ZNF611: variants seen among roughly 807,000 people sequenced by gnomAD.
ZNF611 encodes the protein zinc finger protein 611.
ZNF611 carries 6 observed loss-of-function variants against 8.9 expected under a neutral mutation model. The observed-to-expected ratio is 0.68, with a 90% confidence interval of 0.37 to 1.34. The LOEUF (loss-of-function observed/expected upper bound fraction) is 1.34, where lower values mean the gene tolerates loss of function less well. ZNF611 is among the 40% of genes most tolerant of loss of function. The pLI, the probability that ZNF611 is intolerant of heterozygous loss-of-function variation, is 0.02. For synonymous variants in ZNF611, 262 were observed against 279.7 expected, an observed-to-expected ratio of 0.94 and a Z score of 0.63; for missense variants, 874 against 841.3, an observed-to-expected ratio of 1.04 and a Z score of -0.48.
At chr19:52,710,602 C>G (rs1164480617) in intron 5 of ZNF611, among the ~76,000 whole-genome samples, 2 of 152,098 alleles carry the variant, frequency 1.3e-5, no homozygotes, top group African/African-American at 2.4e-5. Context: ...TGACCTCAAG[C>G]CATCTACCCA....
At chr19:52,719,829 A>G (rs1272774858) in intron 3 of ZNF611, among the ~76,000 whole-genome samples, 1 of 152,188 alleles carries the variant, frequency 6.6e-6, no homozygotes, top group African/African-American at 2.4e-5. Context: ...GGGATGTGGC[A>G]GGGTCATACG....
chr19:52,706,918 A>G (rs898329038), intron 5 of ZNF611, 54 bp from the exon 6 acceptor site: 1 of 1,553,950 alleles, frequency 6.4e-7, no homozygotes, highest in Non-Finnish European at 8.7e-7. Flanking sequence ...GGTAAATCAC[A>G]CTGAAGTGCA....
intron 1 of ZNF611, among the ~76,000 whole-genome samples, 181 bp from the exon 2 acceptor site, chr19:52,730,186 G>A (rs926151501): frequency 2.6e-5 from 4 of 151,996 alleles, no homozygotes; most frequent in Non-Finnish European, 2.9e-5. Flanking sequence ...GAGGTCAGGA[G>A]ATCGAGACCA....
At chr19:52,716,137 C>G (rs373824680) in intron 3 of ZNF611, 6 of 514,706 alleles carry the variant, frequency 1.2e-5, no homozygotes, top group Non-Finnish European at 1.7e-5. Flanking sequence ...CCACCACACA[C>G]GAGGCAGCAG....
chr19:52,705,697 G>T lies in ZNF611; in HGVS notation c.1358C>A (p.Ser453Tyr). 2 of 1,613,952 alleles carry T rather than the reference G, an allele frequency of 1.2e-6. No individual in the cohort carries two copies. ...CTTGTCACAAACCTTACATTTGTAA[G>T]ATTTCTCTCCACCATGAAGTCTATG... ...CHHRLHGGEKSYKCKVCDKAF... is the reference protein window; with the variant it reads ...CHHRLHGGEKYYKCKVCDKAF... Residue 453 changes from serine (S) to tyrosine (Y), a missense_variant, in exon 6 of 6, where the codon TCT becomes TAT. Physicochemically the swap from Ser to Tyr is moderately radical, Grantham distance 144. Transcript: ENST00000652185.
chr19:52,711,580 G>A (rs2062280278), intron 5 of ZNF611, among the ~76,000 whole-genome samples: 1 of 152,178 alleles, frequency 6.6e-6, no homozygotes, highest in South Asian at 2.1e-4. Flanking sequence ...AGAACAGAAA[G>A]AAGTACATCA....
chr19:52,722,905 GTT>G (rs372056346), intron 3 of ZNF611, among the ~76,000 whole-genome samples: 4,725 of 119,960 alleles, frequency 0.039, 280 homozygotes, highest in African/African-American at 0.14. Flanking sequence ...TTTTGTTTTC[GTT>G]TTTTTTTTTT....
chr19:52,725,420 G>A (rs1014448785), intron 3 of ZNF611, among the ~76,000 whole-genome samples: 8 of 152,204 alleles, frequency 5.3e-5, no homozygotes, highest in Non-Finnish European at 1.0e-4. Flanking sequence ...GGAATCCAGC[G>A]CACGGGTGAG....
intron 3 of ZNF611, chr19:52,724,703 C>T (rs1233434265): frequency 1.3e-5 from 2 of 152,618 alleles, no homozygotes; most frequent in Admixed American, 6.6e-5. Flanking sequence ...CTCTCTAGCA[C>T]CCCAGATCCC....
chr19:52,727,426 T>C (rs894014894), intron 3 of ZNF611, among the ~76,000 whole-genome samples: 2 of 152,042 alleles, frequency 1.3e-5, no homozygotes, highest in African/African-American at 4.8e-5. Flanking sequence ...TAATCAGTCC[T>C]CAGGGAAGAG....
At chr19:52,729,138 A>T (rs1397218577) in intron 2 of ZNF611, among the ~76,000 whole-genome samples, 1 of 152,182 alleles carries the variant, frequency 6.6e-6, no homozygotes, top group African/African-American at 2.4e-5. Context: ...GTTTGCAAAA[A>T]ACATATCACT....
rs190136139 is a variant in ZNF611 at position 52,706,493 on chromosome 19, G to A, written c.562C>T (p.Pro188Ser). 343 of 1,614,062 alleles carry A rather than the reference G, an allele frequency of 2.1e-4. 1 individual carries two copies. The East Asian group carries it at 5.1e-3, about 24-fold the overall frequency. ...NQLEKSTNDAPSVSTFQRISC... is the reference protein window; with the variant it reads ...NQLEKSTNDASSVSTFQRISC... ...ATTCTTTGGAATGTTGAAACTGAGG[G>A]AGCATCATTAGTAGACTTCTCAAGT... The change falls in exon 6 of 6, where the codon CCC (proline) becomes TCC (serine). Residue 188 changes from proline to serine, a missense_variant. Physicochemically the swap from Pro to Ser is moderately conservative, Grantham distance 74. Transcript: ENST00000652185.
intron 3 of ZNF611, among the ~76,000 whole-genome samples, chr19:52,721,940 CAG>C (rs992367784): frequency 1.3e-5 from 2 of 152,070 alleles, no homozygotes; most frequent in African/African-American, 2.4e-5. Context: ...CCCAGCTACT[CAG>C]GGGGTAGTAT....
Position 52,705,220 on chromosome 19 carries a change from T to A in ZNF611, c.1835A>T (p.His612Leu), listed in dbSNP as rs755247299. 3.7e-6 allele frequency: 6 copies of A among 1,614,196 alleles called. No individual in the cohort carries two copies. Among genetic ancestry groups the A allele is most frequent in the South Asian group, 2.2e-5 (2 of 91,080 alleles). ...TFSRRSSLHC[H>L]RRLHSGEKPY... ...TTTCTCACCACTATGAAGTCTACGA[T>A]GGCAATGAAGGGATGACCTGCGACT... The change falls in exon 6 of 6, where the codon CAT becomes CTT. Residue 612 changes from histidine to leucine, a missense_variant. Coordinates refer to ENST00000652185, the MANE Select transcript of ZNF611 (RefSeq NM_001161499.2).
At chr19:52,720,084 G>A (rs1017615452) in intron 3 of ZNF611, among the ~76,000 whole-genome samples, 1 of 152,126 alleles carries the variant, frequency 6.6e-6, no homozygotes, top group Middle Eastern at 3.2e-3. Context: ...CACGGGGTTG[G>A]GGGTAGGGTT....
intron 3 of ZNF611, among the ~76,000 whole-genome samples, chr19:52,725,285 G>A (rs1386836374): frequency 2.0e-5 from 3 of 152,184 alleles, no homozygotes; most frequent in Non-Finnish European, 2.9e-5. Context: ...GGGAGACGGC[G>A]CCTTAAGACA....
chr19:52,711,963 C>T (rs114657321), intron 5 of ZNF611, among the ~76,000 whole-genome samples: 3,439 of 150,702 alleles, frequency 0.023, 117 homozygotes, highest in African/African-American at 0.081. Context: ...ATAATTCCAC[C>T]AAGATAGACC....
chr19:52,721,129 T>C (rs145449571), intron 3 of ZNF611: 5,576 of 149,616 alleles, frequency 0.037, 322 homozygotes, highest in African/African-American at 0.13. Flanking sequence ...GGGTGGTGGC[T>C]GGGCAGAGGC....
intron 3 of ZNF611, 68 bp from the exon 4 acceptor site, chr19:52,715,981 C>G: frequency 1.3e-6 from 2 of 1,568,968 alleles, no homozygotes; most frequent in Non-Finnish European, 1.7e-6. Context: ...CAAAAACACA[C>G]GAACGGGGGA....
Sources: allele counts gnomAD v4.1 joint callset (sites outside exome capture counted in the v4.1 genomes callset), GRCh38; gene constraint gnomAD v4.1.1; transcripts MANE v1.5; gene names NCBI Gene and HGNC (gene_info 2026-07-23, HGNC 2026-07-21).